Variants in FANCA observed in about 807,000 individuals in gnomAD.
The protein encoded by FANCA is FA complementation group A, also known as Fanconi anemia group A protein.
FANCA carries 236 observed loss-of-function variants against 194.3 expected under a neutral mutation model. That is an observed-to-expected ratio of 1.21 (90% CI 1.09 to 1.35). The LOEUF is 1.35. FANCA is among the 40% of genes most tolerant of loss of function. The pLI is 0.00. For synonymous variants in FANCA, 1,014 were observed against 715.8 expected, an observed-to-expected ratio of 1.42 and a Z score of -6.65; for missense variants, 2,628 against 1,813.9, an observed-to-expected ratio of 1.45 and a Z score of -8.15.
chr16:89,762,352 G>C (rs2038979458), intron 28 of FANCA, among the ~76,000 whole-genome samples: 1 of 152,040 alleles, frequency 6.6e-6, no homozygotes, highest in African/African-American at 2.4e-5. Flanking sequence ...CCAGCACTTT[G>C]GGAGGCTGAG....
intron 37 of FANCA, among the ~76,000 whole-genome samples, chr16:89,741,756 C>T (rs2062138996): frequency 6.6e-6 from 1 of 152,156 alleles, no homozygotes; most frequent in Non-Finnish European, 1.5e-5. Flanking sequence ...TTGTCCCCAG[C>T]ACCCCAGGTC....
Position 89,779,917 on chromosome 16 carries a change from A to G in FANCA, c.1667T>C (p.Met556Thr), listed in dbSNP as rs750091512. 5 of 1,614,154 alleles carry G rather than the reference A, an allele frequency of 3.1e-6. No homozygotes were observed. In the South Asian group the frequency reaches 5.5e-5, roughly 18 times the overall value. The change falls in exon 18 of 43, where the codon ATG becomes ACG. Residue 556 changes from methionine (M) to threonine (T), a missense_variant. Physicochemically the swap from Met to Thr is moderately conservative, Grantham distance 81 (BLOSUM62 -1). Coordinates refer to ENST00000389301, the MANE Select transcript of FANCA (RefSeq NM_000135.4). ...GATGTTCCCCGTATGCTCAAACACC[A>G]TGATGGCCTTTTCAACATCCTGAAG... is the stretch of plus-strand genomic sequence containing the variant. ...QALQDVEKAI[M>T]VFEHTGNIPV... is the part of the protein sequence containing the mutation.
rs532397437 is a variant in FANCA at position 89,780,107 on chromosome 16, G to T, written c.1627-150C>A. ...CCCACATGCTGTGCGCACAGCAGGG[G>T]CCCTGGAGCACTCCAAAATGTCCCA... On this transcript the variant is annotated intron_variant, in intron 17 of 42. Transcript: ENST00000389301. The T allele has an allele frequency of 1.2e-5, 9 of 746,574 alleles. No individual in the cohort carries two copies. In the East Asian group the frequency reaches 1.3e-4, roughly 11 times the overall value. The allele number at this position is 746,574 out of a possible 1,614,324, so 46.2% of individuals were successfully genotyped here.
intron 22 of FANCA, 114 bp from the exon 23 acceptor site, chr16:89,771,928 C>T: frequency 1.6e-6 from 2 of 1,225,058 alleles, no homozygotes; most frequent in Non-Finnish European, 2.4e-6. Flanking sequence ...CTGCTGACTG[C>T]ACACATCCCC....
At chr16:89,807,438 G>C (rs938571165) in intron 6 of FANCA, among the ~76,000 whole-genome samples, 4 of 150,622 alleles carry the variant, frequency 2.7e-5, no homozygotes, top group Non-Finnish European at 5.9e-5. Flanking sequence ...TGGCGACATA[G>C]CAGGTCTCTG....
chr16:89,800,435 T>C (rs1208949379), intron 8 of FANCA, among the ~76,000 whole-genome samples: 1 of 152,228 alleles, frequency 6.6e-6, no homozygotes, highest in East Asian at 1.9e-4. Context: ...TGGGAGCCAC[T>C]GGCTCAGGAA....
intron 17 of FANCA, among the ~76,000 whole-genome samples, chr16:89,781,224 C>A (rs891509442): frequency 6.7e-6 from 1 of 148,956 alleles, no homozygotes; most frequent in Non-Finnish European, 1.5e-5. Context: ...ATTAGCCTGA[C>A]GTGGTGGCGG....
At chr16:89,740,939 T>C in intron 37 of FANCA, 73 bp from the exon 38 acceptor site, 1 of 1,362,872 alleles carries the variant, frequency 7.3e-7, no homozygotes, top group East Asian at 2.5e-5. Context: ...GGCTGACACA[T>C]TCCTCTTTAA....
At position 89,811,078 on chromosome 16, in the gene FANCA, CACAAA is replaced by C. The variant is rs751411815; in HGVS notation, c.284-12_284-8del. ...TGATCCTGCAAAGCAGAGCCTTAAA[CACAAA>C]ACAAAACCATAGCTTTCTCTTAACA... On this transcript the variant is annotated splice_polypyrimidine_tract_variant and splice_region_variant and intron_variant, in intron 3 of 42. Transcript: ENST00000389301. 6.2e-7 allele frequency: 1 copy of C among 1,613,982 alleles called. No individual in the cohort carries two copies. Among genetic ancestry groups the C allele is most frequent in the Non-Finnish European group, 8.5e-7 (1 of 1,180,044 alleles).
intron 6 of FANCA, 61 bp downstream of exon 6, chr16:89,808,233 T>C: frequency 6.6e-7 from 1 of 1,520,968 alleles, no homozygotes. Flanking sequence ...GGCTTTGAAA[T>C]ATAATTTATA....
At chr16:89,811,100 C>G (rs773140671) in intron 3 of FANCA, 29 bp from the exon 4 acceptor site, 2 of 1,613,464 alleles carry the variant, frequency 1.2e-6, no homozygotes, top group Non-Finnish European at 1.7e-6. Context: ...CCATAGCTTT[C>G]TCTTAACACA....
chr16:89,761,314 G>C (rs1042142989), intron 29 of FANCA, among the ~76,000 whole-genome samples: 6 of 151,754 alleles, frequency 4.0e-5, no homozygotes, highest in Admixed American at 3.9e-4. Context: ...AGCTACTCGG[G>C]AGGCTGAGCC....
At chr16:89,756,078 C>A (rs1402017234) in intron 30 of FANCA, among the ~76,000 whole-genome samples, 1 of 152,076 alleles carries the variant, frequency 6.6e-6, no homozygotes, top group African/African-American at 2.4e-5. Context: ...GGTAAAAACA[C>A]AGTTTAAAAA....
chr16:89,747,045 C>T (rs1277752601), intron 33 of FANCA, among the ~76,000 whole-genome samples, 155 bp from the exon 34 acceptor site: 1 of 152,236 alleles, frequency 6.6e-6, no homozygotes, highest in Non-Finnish European at 1.5e-5. Flanking sequence ...CCGGGCCTGG[C>T]GCCCTGGCTG....
In FANCA at chr16:89,798,700, G is replaced by C. The variant is rs139424630; in HGVS notation, c.893+466C>G. 1.4e-4 allele frequency: 178 copies of C among 1,302,438 alleles called. No individual in the cohort carries two copies. In the African/African-American group the frequency reaches 2.4e-3, roughly 18 times the overall value. The allele number at this position is 1,302,438 out of a possible 1,614,324, so 80.7% of individuals were successfully genotyped here. A position where few individuals can be genotyped will look rare whatever the true frequency, so the allele number is the denominator to read the frequency against. On this transcript the variant is annotated intron_variant, in intron 10 of 42. Coordinates refer to ENST00000389301, the MANE Select transcript of FANCA (RefSeq NM_000135.4). ...GAGCCATGGAGAGAAAAAGCTAATA[G>C]GGCCAAGCTTTGCCTACTGGTGAAT...
At chr16:89,754,306 G>T (rs2038700790) in intron 30 of FANCA, among the ~76,000 whole-genome samples, 1 of 151,492 alleles carries the variant, frequency 6.6e-6, no homozygotes, top group African/African-American at 2.4e-5. Context: ...ACAAGAAAAA[G>T]AAAAAGCATC....
intron 14 of FANCA, among the ~76,000 whole-genome samples, chr16:89,788,074 C>T (rs537977702): frequency 3.3e-5 from 5 of 152,078 alleles, no homozygotes; most frequent in East Asian, 1.9e-4. Context: ...GGTTTTGCCA[C>T]GTTGCCCAGG....
chr16:89,737,664 T>C lies in FANCA; in HGVS notation c.*937A>G, dbSNP rs55794507. ...AAGATCTTAATAAACGAGGCCCTCATAGGCCCCTTGCTTGGGCCCACTGCA... is the reference window on the plus strand; with the variant it reads ...AAGATCTTAATAAACGAGGCCCTCACAGGCCCCTTGCTTGGGCCCACTGCA... On this transcript the variant is annotated 3_prime_UTR_variant, in exon 43 of 43. Coordinates refer to ENST00000389301, the MANE Select transcript of FANCA (RefSeq NM_000135.4). The C allele has an allele frequency of 7.1e-5, 106 of 1,491,764 alleles. 1 individual carries two copies. In the African/African-American group the frequency reaches 1.2e-3, roughly 17 times the overall value. 92.4% of individuals were successfully genotyped at this position (1,491,764 alleles called of 1,614,324 possible).
At chr16:89,776,792 C>G (rs1937595443) in intron 20 of FANCA, among the ~76,000 whole-genome samples, 1 of 152,130 alleles carries the variant, frequency 6.6e-6, no homozygotes, top group Admixed American at 6.6e-5. Context: ...GATTGCGCCA[C>G]TGCACTGCAG....
Sources: allele counts gnomAD v4.1 joint callset (sites outside exome capture counted in the v4.1 genomes callset), GRCh38; gene constraint gnomAD v4.1.1; transcripts MANE v1.5; gene names NCBI Gene and HGNC (gene_info 2026-07-23, HGNC 2026-07-21).